Variants in DGKB observed in about 807,000 individuals in gnomAD.
DGKB encodes 90 kDa diacylglycerol kinase.
Under a neutral mutation model 114.3 loss-of-function variants are expected in DGKB, and 67 were observed. The ratio of observed to expected loss-of-function variants is 0.59; its 90% confidence interval spans 0.48 to 0.72. The LOEUF (loss-of-function observed/expected upper bound fraction) is 0.72, where lower values mean the gene tolerates loss of function less well. Among genes scored for constraint, DGKB ranks in the 30% least tolerant of loss-of-function variants. The pLI, the probability that DGKB is intolerant of heterozygous loss-of-function variation, is 0.00. For synonymous variants in DGKB, 398 were observed against 323.1 expected (o/e 1.23, Z -2.49); for missense variants, 907 against 975.2 (o/e 0.93, Z 0.93).
Position 14,298,443 on chromosome 7 carries a change from C to A in DGKB, c.2122+40072G>T, listed in dbSNP as rs531510151. ...TGATGTTTGACAAACCTGACAAAAA[C>A]AAGCAATGGGGAAAGGATTTCCTAT... On this transcript the variant is annotated intron_variant, in intron 23 of 25. Coordinates refer to ENST00000402815, the MANE Select transcript of DGKB (RefSeq NM_001350709.2). 2.2e-4 allele frequency among the ~76,000 whole-genome samples: 33 copies of A among 152,192 alleles called. No homozygotes were observed. The East Asian group carries it at 5.2e-3, about 24-fold the overall frequency.
chr7:14,391,615 C>G (rs761442534), intron 21 of DGKB, among the ~76,000 whole-genome samples: 6 of 152,088 alleles, frequency 3.9e-5, no homozygotes, highest in Non-Finnish European at 8.8e-5. Context: ...GAGAGGATCA[C>G]TTGAGCCTGG....
At chr7:14,708,748 A>T (rs937489178) in intron 6 of DGKB, among the ~76,000 whole-genome samples, 1 of 150,922 alleles carries the variant, frequency 6.6e-6, no homozygotes, top group African/African-American at 2.5e-5. Flanking sequence ...GTGCTGGGAA[A>T]ACTGGCTAGC....
chr7:14,930,714 T>C (rs1021062412), intron 1 of DGKB, among the ~76,000 whole-genome samples: 2 of 152,210 alleles, frequency 1.3e-5, no homozygotes, highest in South Asian at 2.1e-4. Flanking sequence ...TCTTGCCTAA[T>C]TGTTCTGCCT....
At chr7:14,236,818 G>A (rs1792861896) in intron 23 of DGKB, among the ~76,000 whole-genome samples, 1 of 151,610 alleles carries the variant, frequency 6.6e-6, no homozygotes, top group Non-Finnish European at 1.5e-5. Flanking sequence ...AAAATAAATA[G>A]AAAAATATGT....
At chr7:14,823,474 GA>G (rs1845227688) in intron 2 of DGKB, among the ~76,000 whole-genome samples, 1 of 152,074 alleles carries the variant, frequency 6.6e-6, no homozygotes, top group African/African-American at 2.4e-5. Context: ...GAGAATTTCA[GA>G]TTTTTTTTGC....
chr7:14,266,271 A>G (rs1037730832), intron 23 of DGKB, among the ~76,000 whole-genome samples: 8 of 152,228 alleles, frequency 5.3e-5, no homozygotes, highest in South Asian at 2.1e-4. Context: ...CAGCCAAACT[A>G]TGACATTTTG....
At chr7:14,567,514 T>A in intron 20 of DGKB, among the ~76,000 whole-genome samples, 1 of 95,346 alleles carries the variant, frequency 1.0e-5, no homozygotes, top group East Asian at 2.6e-4. Context: ...TATAATTATA[T>A]ATTTATATAT....
intron 1 of DGKB, among the ~76,000 whole-genome samples, chr7:14,960,813 T>C (rs1460132483): frequency 6.6e-6 from 1 of 152,126 alleles, no homozygotes; most frequent in Non-Finnish European, 1.5e-5. Context: ...TGAATACATT[T>C]ATCTTATCTT....
rs552357811 is a variant in DGKB, at chr7:14,808,102, T to C, written c.70+33092A>G. Among the ~76,000 whole-genome samples the C allele has an allele frequency of 2.6e-5, 4 of 152,216 alleles. No homozygotes were observed. The East Asian group carries it at 7.7e-4, about 29-fold the overall frequency. On this transcript the variant is annotated intron_variant, in intron 2 of 25. Transcript: ENST00000402815. ...CTTCAATTGTCATAAGAATGCTCTT[T>C]AGAGGTTCCTCTTTTAGATAGACAG...
At chr7:14,705,650 G>T (rs1168273168) in intron 6 of DGKB, among the ~76,000 whole-genome samples, 1 of 150,032 alleles carries the variant, frequency 6.7e-6, no homozygotes, top group Non-Finnish European at 1.5e-5. Context: ...AAGAGAGTGG[G>T]GGCCAATATT....
intron 4 of DGKB, among the ~76,000 whole-genome samples, chr7:14,746,889 C>A (rs1833368249): frequency 6.6e-6 from 1 of 151,920 alleles, no homozygotes; most frequent in African/African-American, 2.4e-5. Flanking sequence ...AAATACTTTG[C>A]TATAACATTT....
At chr7:14,635,641 T>C (rs1160248501) in intron 13 of DGKB, among the ~76,000 whole-genome samples, 1 of 151,666 alleles carries the variant, frequency 6.6e-6, no homozygotes, top group Non-Finnish European at 1.5e-5. Context: ...TTCAGAACTC[T>C]TAATTTACAT....
chr7:14,153,949 A>T (rs1782594368), intron 25 of DGKB, among the ~76,000 whole-genome samples: 1 of 152,018 alleles, frequency 6.6e-6, no homozygotes, highest in Non-Finnish European at 1.5e-5. Flanking sequence ...CAGTCACAAA[A>T]GTATCTAGAG....
intron 23 of DGKB, among the ~76,000 whole-genome samples, chr7:14,218,652 C>T: frequency 6.6e-6 from 1 of 151,950 alleles, no homozygotes; most frequent in Non-Finnish European, 1.5e-5. Flanking sequence ...ATACTTTTGT[C>T]CATTTATGGA....
intron 23 of DGKB, among the ~76,000 whole-genome samples, chr7:14,267,296 C>CA (rs1797655915): frequency 6.6e-6 from 1 of 152,006 alleles, no homozygotes; most frequent in Non-Finnish European, 1.5e-5. Flanking sequence ...TATTCAGCTA[C>CA]AAAAATCATG....
intron 1 of DGKB, among the ~76,000 whole-genome samples, chr7:14,972,076 T>C (rs1787503749): frequency 6.6e-6 from 1 of 152,088 alleles, no homozygotes; most frequent in Non-Finnish European, 1.5e-5. Context: ...AAACTCAAGA[T>C]TATATTGCTA....
chr7:14,421,665 C>G (rs553496573), intron 21 of DGKB, among the ~76,000 whole-genome samples: 59 of 152,088 alleles, frequency 3.9e-4, no homozygotes, highest in African/African-American at 1.4e-3. Flanking sequence ...AATGCAATTT[C>G]CACAGATATT....
intron 21 of DGKB, among the ~76,000 whole-genome samples, chr7:14,362,987 C>T (rs1816020211): frequency 6.6e-6 from 1 of 152,008 alleles, no homozygotes; most frequent in Non-Finnish European, 1.5e-5. Flanking sequence ...GCTCTGGATC[C>T]TAGGCTTCAT....
chr7:14,699,082 C>T (rs939573550), intron 7 of DGKB, among the ~76,000 whole-genome samples: 1 of 151,428 alleles, frequency 6.6e-6, no homozygotes, highest in Non-Finnish European at 1.5e-5. Context: ...TTTGGGAAGC[C>T]GTGTTTCCCT....
Sources: gnomAD v4.1 joint callset for allele counts (sites outside exome capture counted in the v4.1 genomes callset) on GRCh38, gnomAD v4.1.1 for gene constraint, MANE v1.5 for transcripts, NCBI Gene and HGNC (gene_info 2026-07-23, HGNC 2026-07-21) for gene names.